DTD1: variants seen among roughly 807,000 people sequenced by gnomAD.
DTD1 encodes D-aminoacyl-tRNA deacylase 1, also known as D-tyrosyl-tRNA deacylase 1 homolog.
A neutral mutation model predicts 25.6 loss-of-function variants in DTD1; 13 were observed. The ratio of observed to expected loss-of-function variants is 0.51; its 90% CI spans 0.33 to 0.81. DTD1 has a LOEUF of 0.81. Among genes scored for constraint, DTD1 ranks in the 30% least tolerant of loss-of-function variants. The pLI is 0.02. For missense variants in DTD1, 193 were observed against 266.4 expected, an observed-to-expected ratio of 0.72 and a Z score of 1.92; for synonymous variants, 110 against 103.6, an observed-to-expected ratio of 1.06 and a Z score of -0.37.
chr20:18,593,731 T>A lies in DTD1; in HGVS notation c.44T>A (p.Val15Asp). The change falls in exon 2 of 6, where the codon GTT becomes GAT. Residue 15 changes from valine to aspartate, a missense_variant and splice_region_variant. Transcript: ENST00000377452. ...TCTCTCCCTTTTGGTTCCTTTCTAG[T>A]TGGAGGAGAGCAGATTAGTGCCATT... ...VQRVTRASVTVGGEQISAIGR... is the reference protein window; with the variant it reads ...VQRVTRASVTDGGEQISAIGR... 1 of 1,613,486 alleles carries A rather than the reference T, an allele frequency of 6.2e-7. No homozygotes were observed. Among genetic ancestry groups the A allele is most frequent in the Non-Finnish European group, 8.5e-7 (1 of 1,179,456 alleles).
chr20:18,649,963 A>C (rs1482708393), intron 4 of DTD1, among the ~76,000 whole-genome samples: 1 of 152,226 alleles, frequency 6.6e-6, no homozygotes, highest in African/African-American at 2.4e-5. Context: ...CTGTAATTCC[A>C]GTACTTTGGG....
chr20:18,687,938 C>T (rs543057861), intron 4 of DTD1, among the ~76,000 whole-genome samples: 1 of 152,258 alleles, frequency 6.6e-6, no homozygotes, highest in South Asian at 2.1e-4. Flanking sequence ...GGACTTGTGC[C>T]TTCTTAATCT....
At chr20:18,674,009 A>G (rs1000680404) in intron 4 of DTD1, among the ~76,000 whole-genome samples, 4 of 152,060 alleles carry the variant, frequency 2.6e-5, no homozygotes, top group Admixed American at 1.3e-4. Flanking sequence ...GACCAAACCA[A>G]ATTTCTCAGG....
chr20:18,747,724 C>T (rs576988860), intron 5 of DTD1, among the ~76,000 whole-genome samples: 1 of 152,128 alleles, frequency 6.6e-6, no homozygotes, highest in African/African-American at 2.4e-5. Flanking sequence ...AGGTTCAAAA[C>T]AACTTGGGCT....
intron 3 of DTD1, among the ~76,000 whole-genome samples, chr20:18,626,492 TAGAA>T (rs1269283925): frequency 6.6e-6 from 1 of 152,218 alleles, no homozygotes; most frequent in Non-Finnish European, 1.5e-5. Context: ...CAGCTCTGGG[TAGAA>T]AGAAAGCTGG....
intron 4 of DTD1, among the ~76,000 whole-genome samples, chr20:18,642,532 G>C (rs376302925): frequency 1.1e-4 from 16 of 152,030 alleles, no homozygotes; most frequent in Non-Finnish European, 1.9e-4. Flanking sequence ...GCCTCCCAAA[G>C]TGCTGAGATT....
chr20:18,723,384 A>C (rs966837363), intron 4 of DTD1, among the ~76,000 whole-genome samples: 10 of 152,212 alleles, frequency 6.6e-5, no homozygotes, highest in Non-Finnish European at 2.9e-5. Context: ...CATACCAGTG[A>C]GATAGAGGCT....
intron 4 of DTD1, among the ~76,000 whole-genome samples, chr20:18,672,174 C>T (rs1372295177): frequency 6.6e-6 from 1 of 152,136 alleles, no homozygotes; most frequent in Non-Finnish European, 1.5e-5. Flanking sequence ...GTCAAGGCTG[C>T]AGTGAGCAGT....
intron 4 of DTD1, among the ~76,000 whole-genome samples, chr20:18,648,313 T>C (rs2060857744): frequency 6.6e-6 from 1 of 152,120 alleles, no homozygotes; most frequent in Non-Finnish European, 1.5e-5. Context: ...GCTGTGAAAA[T>C]TCCCAGTGCA....
At chr20:18,698,570 C>G (rs116874909) in intron 4 of DTD1, 1 of 152,328 alleles carries the variant, frequency 6.6e-6, no homozygotes, top group South Asian at 2.1e-4. Flanking sequence ...GTAGAATGAA[C>G]TTGTTAGCTG....
At chr20:18,656,678 G>C (rs765540569) in intron 4 of DTD1, among the ~76,000 whole-genome samples, 5 of 152,136 alleles carry the variant, frequency 3.3e-5, no homozygotes, top group Non-Finnish European at 7.3e-5. Context: ...CCCTCACATA[G>C]CTAACACCAC....
intron 4 of DTD1, among the ~76,000 whole-genome samples, chr20:18,702,282 C>T (rs2061108450): frequency 6.6e-6 from 1 of 152,170 alleles, no homozygotes; most frequent in African/African-American, 2.4e-5. Flanking sequence ...CCGCCCCCTT[C>T]CCTCCATCTC....
intron 4 of DTD1, chr20:18,643,679 A>C (rs1224183126): frequency 6.6e-6 from 1 of 152,324 alleles, no homozygotes; most frequent in Admixed American, 6.5e-5. Context: ...GTTCAGAATC[A>C]TGCCTTGTAT....
intron 4 of DTD1, among the ~76,000 whole-genome samples, chr20:18,723,145 G>A (rs537811607): frequency 9.2e-5 from 14 of 152,290 alleles, no homozygotes; most frequent in South Asian, 8.3e-4. Flanking sequence ...TGTCCTGTGC[G>A]TTGTTGGATG....
chr20:18,588,120 G>A lies in DTD1; in HGVS notation c.43+5G>A. ...TCACCCGGGCCAGCGTCACAGGTCA[G>A]TCGGGCGGGGCCGGGCCCGGGAGGA... is the stretch of plus-strand genomic sequence containing the variant. On this transcript the variant is annotated splice_donor_5th_base_variant and intron_variant, in intron 1 of 5. Transcript: ENST00000377452. 7.8e-7 allele frequency: 1 copy of A among 1,285,342 alleles called. No homozygotes were observed. The highest frequency in any genetic ancestry group is 9.8e-7 in the Non-Finnish European group (1 of 1,018,162). The allele number at this position is 1,285,342 out of a possible 1,614,324, so 79.6% of individuals were successfully genotyped here. A position where few individuals can be genotyped will look rare whatever the true frequency, so the allele number is the denominator to read the frequency against.
chr20:18,611,840 T>G (rs1053858563), intron 3 of DTD1, among the ~76,000 whole-genome samples: 1 of 152,042 alleles, frequency 6.6e-6, no homozygotes, highest in African/African-American at 2.4e-5. Context: ...TCACGCATGT[T>G]TTTTTAAAAT....
intron 4 of DTD1, among the ~76,000 whole-genome samples, chr20:18,742,895 C>A (rs1260626231): frequency 2.0e-5 from 3 of 152,182 alleles, no homozygotes; most frequent in African/African-American, 7.2e-5. Flanking sequence ...AGGGAGAAGC[C>A]AGCCCTTCAA....
intron 4 of DTD1, among the ~76,000 whole-genome samples, chr20:18,653,980 A>G (rs890860144): frequency 2.0e-5 from 3 of 152,252 alleles, no homozygotes; most frequent in South Asian, 2.1e-4. Context: ...CTGGATCCCA[A>G]TAGAAAACAG....
chr20:18,649,326 CTTTT>C (rs55766733), intron 4 of DTD1, among the ~76,000 whole-genome samples: 717 of 57,428 alleles, frequency 0.012, no homozygotes, highest in Non-Finnish European at 0.02. Flanking sequence ...ATTCATCTTT[CTTTT>C]TTTTTTTTTT....
Sources: allele counts gnomAD v4.1 joint callset (sites outside exome capture counted in the v4.1 genomes callset), GRCh38; gene constraint gnomAD v4.1.1; transcripts MANE v1.5; gene names NCBI Gene and HGNC (gene_info 2026-07-23, HGNC 2026-07-21).